The following VASH2 variants were observed in gnomAD, a reference collection of about 807,000 sequenced individuals.
The protein encoded by VASH2 is vasohibin 2, also known as tubulinyl-Tyr carboxypeptidase 2.
Under a neutral mutation model 37.2 loss-of-function variants are expected in VASH2, and 28 were observed. That is an observed-to-expected ratio of 0.75 (90% CI 0.56 to 1.03). The LOEUF is 1.03. Ranked by LOEUF, VASH2 falls within the 50% of genes least tolerant of loss-of-function variation. The probability of loss-of-function intolerance (pLI) is 0.00; values close to 1 mark genes in which losing one functional copy is unlikely to be tolerated. For synonymous variants in VASH2, 188 were observed against 174.7 expected (o/e 1.08, Z -0.60); for missense variants, 419 against 459.1 (o/e 0.91, Z 0.80).
chr1:212,988,745 T>A lies in VASH2; in HGVS notation c.*161T>A. On this transcript the variant is annotated 3_prime_UTR_variant, in exon 8 of 8. Transcript: ENST00000517399. ...CTGAGTGGGTGGTAACCATTAGCTT[T>A]AAAAAATTCACTAAAAGGCACCATG... 1 of 777,518 alleles carries A rather than the reference T, an allele frequency of 1.3e-6. No homozygotes were observed. The highest frequency in any genetic ancestry group is 2.1e-6 in the Non-Finnish European group (1 of 483,548). The allele number at this position is 777,518 out of a possible 1,614,324, so 48.2% of individuals were successfully genotyped here.
chr1:212,979,618 T>G (rs1212368390), intron 7 of VASH2, among the ~76,000 whole-genome samples: 1 of 152,178 alleles, frequency 6.6e-6, no homozygotes, highest in African/African-American at 2.4e-5. Context: ...CTTGTCTAAA[T>G]AATCCCTTTC....
At chr1:212,988,412 CAG>C (rs1159394623) in intron 7 of VASH2, 98 bp from the exon 8 acceptor site, 3 of 1,224,676 alleles carry the variant, frequency 2.4e-6, no homozygotes, top group Non-Finnish European at 3.5e-6. Context: ...AGACAAATAT[CAG>C]AAGGATTAGG....
intron 2 of VASH2, among the ~76,000 whole-genome samples, chr1:212,957,452 A>G (rs991644225): frequency 1.3e-5 from 2 of 152,130 alleles, no homozygotes; most frequent in Non-Finnish European, 2.9e-5. Flanking sequence ...CATCCTCTCC[A>G]TTAAGGTAAG....
rs1231471076 is a variant in VASH2, at chr1:212,971,537, T to G, written c.498-1043T>G. On this transcript the variant is annotated intron_variant, in intron 5 of 7. Transcript: ENST00000517399. This position sits in a 1 kb window ranked among gnomAD's most constrained non-coding sequence, Gnocchi z 4.0. ...TTAAGCAGCTAAGGAATGCCCTTGTTCCAGCCCCAGAGAACTTGCCCCAGA... is the reference window on the plus strand; with the variant it reads ...TTAAGCAGCTAAGGAATGCCCTTGTGCCAGCCCCAGAGAACTTGCCCCAGA... Among the ~76,000 whole-genome samples, 3 of 152,188 alleles carry G rather than the reference T, an allele frequency of 2.0e-5. No homozygotes were observed. Among genetic ancestry groups the G allele is most frequent in the African/African-American group, 7.2e-5 (3 of 41,448 alleles).
chr1:212,984,528 G>C (rs968902796), intron 7 of VASH2, among the ~76,000 whole-genome samples: 1 of 152,186 alleles, frequency 6.6e-6, no homozygotes, highest in African/African-American at 2.4e-5. Flanking sequence ...TGCAGATCTA[G>C]TCCAACAACT....
intron 3 of VASH2, among the ~76,000 whole-genome samples, chr1:212,962,166 C>T (rs894524110): frequency 6.6e-6 from 1 of 152,146 alleles, no homozygotes; most frequent in Admixed American, 6.5e-5. Flanking sequence ...TGGTTTGGTC[C>T]CTTTCTTCTC....
intron 7 of VASH2, among the ~76,000 whole-genome samples, chr1:212,977,004 G>A (rs1203948374): frequency 6.6e-6 from 1 of 152,084 alleles, no homozygotes; most frequent in Non-Finnish European, 1.5e-5. Context: ...CAAAAACGAT[G>A]AGAAGTGGCC....
chr1:212,984,746 C>T (rs1241292844), intron 7 of VASH2, among the ~76,000 whole-genome samples: 1 of 152,148 alleles, frequency 6.6e-6, no homozygotes, highest in Admixed American at 6.6e-5. Flanking sequence ...TAAGCACATG[C>T]ACTGCTTAAT....
intron 7 of VASH2, 28 bp downstream of exon 7, chr1:212,974,098 C>A: frequency 6.3e-7 from 1 of 1,589,712 alleles, no homozygotes; most frequent in East Asian, 2.3e-5. Flanking sequence ...TTCCCCAACT[C>A]AAAGCCCAAC....
At chr1:212,965,592 T>A (rs749345985) in intron 3 of VASH2, 130 bp from the exon 4 acceptor site, 372 of 748,468 alleles carry the variant, frequency 5.0e-4, no homozygotes, top group Middle Eastern at 1.2e-3. Flanking sequence ...AGCTACCTTC[T>A]GGGTGCTGGC....
intron 2 of VASH2, among the ~76,000 whole-genome samples, chr1:212,954,322 T>A (rs1429820447): frequency 6.6e-6 from 1 of 152,262 alleles, no homozygotes; most frequent in Non-Finnish European, 1.5e-5. Context: ...AACACAGGCT[T>A]CTAAATCATG....
In VASH2 at chr1:212,951,698, C is replaced by A; in HGVS notation, c.156C>A (p.Asn52Lys). ...DKDGGVLFHVNKSGFPIDSHT... is the reference protein window; with the variant it reads ...DKDGGVLFHVKKSGFPIDSHT... ...ACGGCGGGGTGCTGTTCCACGTCAA[C>A]AAGAGCGGCTTCCCCATCGACAGCC... Residue 52 changes from asparagine to lysine, a missense_variant, in exon 2 of 8, where the codon AAC (asparagine) becomes AAA (lysine). Asn to Lys is a moderately conservative substitution (Grantham distance 94, BLOSUM62 0). Transcript: ENST00000517399. The surrounding 1 kb of genome is among the most constrained non-coding windows in gnomAD (Gnocchi z 4.4). 6.2e-7 allele frequency: 1 copy of A among 1,602,532 alleles called. No individual in the cohort carries two copies.
intron 7 of VASH2, among the ~76,000 whole-genome samples, chr1:212,985,325 C>T (rs1667448209): frequency 6.8e-6 from 1 of 147,910 alleles, no homozygotes; most frequent in African/African-American, 2.5e-5. Context: ...ATAAGCATGA[C>T]CCAGCGCACC....
intron 7 of VASH2, among the ~76,000 whole-genome samples, chr1:212,977,856 G>A (rs531346437): frequency 2.6e-5 from 4 of 152,276 alleles, no homozygotes; most frequent in East Asian, 3.9e-4. Context: ...CTGCTGGTCC[G>A]GGGACCACAC....
At chr1:212,958,900 TC>T (rs904958218) in intron 2 of VASH2, among the ~76,000 whole-genome samples, 23 of 151,956 alleles carry the variant, frequency 1.5e-4, no homozygotes, top group Non-Finnish European at 2.7e-4. Context: ...TTTCTTTCTT[TC>T]TTTTTTTTTT....
rs1467753393 is a variant in VASH2, at chr1:212,989,152, G to GT, written c.*569dup. 4 of 155,200 alleles carry GT rather than the reference G, an allele frequency of 2.6e-5. No homozygotes were observed. Among genetic ancestry groups the GT allele is most frequent in the African/African-American group, 4.8e-5 (2 of 41,336 alleles). The allele number at this position is 155,200 out of a possible 1,614,324, so 9.6% of individuals were successfully genotyped here. A position where few individuals can be genotyped will look rare whatever the true frequency, so the allele number is the denominator to read the frequency against. On this transcript the variant is annotated 3_prime_UTR_variant, in exon 8 of 8. Transcript: ENST00000517399. ...TCCACAAGTTTGGAGTTTTTTCCTGGTGCACACACGTGAGGAGATTTAAGG... is the reference window on the plus strand; with the variant it reads ...TCCACAAGTTTGGAGTTTTTTCCTGGTTGCACACACGTGAGGAGATTTAAGG...
In VASH2 at chr1:212,971,227, G is replaced by A. The variant is rs1008153820; in HGVS notation, c.498-1353G>A. ...GATATTTGCGTTGTTTCCACCTTCT[G>A]GCTATTGCAAATGATGCTGTTCAGA... is the stretch of plus-strand genomic sequence containing the variant. On this transcript the variant is annotated intron_variant, in intron 5 of 7. Coordinates refer to ENST00000517399, the MANE Select transcript of VASH2 (RefSeq NM_001301056.2). This position sits in a 1 kb window ranked among gnomAD's most constrained non-coding sequence, Gnocchi z 4.0. Among the ~76,000 whole-genome samples the A allele has an allele frequency of 6.6e-6, 1 of 152,156 alleles. No homozygotes were observed. The highest frequency in any genetic ancestry group is 2.4e-5 in the African/African-American group (1 of 41,422).
chr1:212,979,759 G>A (rs73084279), intron 7 of VASH2, among the ~76,000 whole-genome samples: 5,339 of 152,154 alleles, frequency 0.035, 288 homozygotes, highest in African/African-American at 0.12. Flanking sequence ...TTCCACCCAC[G>A]GGTCCTTTCT....
chr1:212,966,055 G>A (rs939469278), intron 4 of VASH2: 32 of 601,990 alleles, frequency 5.3e-5, no homozygotes, highest in East Asian at 8.3e-5. Flanking sequence ...TAATGCCCCC[G>A]TGCTGGGGCA....
Sources: gnomAD v4.1 joint callset for allele counts (sites outside exome capture counted in the v4.1 genomes callset) on GRCh38, gnomAD v4.1.1 for gene constraint, Gnocchi (gnomAD v3.1) non-coding constraint, MANE v1.5 for transcripts, NCBI Gene and HGNC (gene_info 2026-07-23, HGNC 2026-07-21) for gene names.